Variants in FAM120B observed in about 807,000 individuals in gnomAD.
FAM120B encodes family with sequence similarity 120 member B, also known as constitutive coactivator of peroxisome proliferator-activated receptor gamma.
FAM120B carries 83 observed loss-of-function variants against 96.3 expected under a neutral mutation model. The observed-to-expected ratio is 0.86, with a 90% CI of 0.72 to 1.03. The LOEUF (loss-of-function observed/expected upper bound fraction) is 1.03, where lower values mean the gene tolerates loss of function less well. Among genes scored for constraint, FAM120B ranks in the 50% least tolerant of loss-of-function variants. FAM120B has a pLI of 0.00. For missense variants in FAM120B, 1,027 were observed against 1,121.2 expected (o/e 0.92, Z 1.20); for synonymous variants, 407 against 402.7 (o/e 1.01, Z -0.13).
rs138879894 is a variant in FAM120B at position 170,346,621 on chromosome 6, C to T, written c.2018-1530C>T. 6.2e-3 allele frequency among the ~76,000 whole-genome samples: 937 copies of T among 152,218 alleles called. 9 individuals are homozygous for T. The highest frequency in any genetic ancestry group is 0.01 in the Non-Finnish European group (697 of 68,026). On this transcript the variant is annotated intron_variant, in intron 4 of 10. Transcript: ENST00000476287. ...TGGAAGGAACCGTGGACGATACCCA[C>T]GTGTGTATACATGGTCCAGTAAAGC...
intron 6 of FAM120B, among the ~76,000 whole-genome samples, chr6:170,361,214 A>ATATATATACG (rs1788383943): frequency 1.0e-5 from 1 of 100,094 alleles, no homozygotes; most frequent in African/African-American, 3.9e-5. Context: ...ATATATATAT[A>ATATATATACG]TATATATATA....
chr6:170,296,091 G>C (rs1380703914), intron 1 of FAM120B, among the ~76,000 whole-genome samples: 1 of 152,138 alleles, frequency 6.6e-6, no homozygotes. Context: ...CCGGAGCACC[G>C]GCGGGCACGC....
chr6:170,318,363 G>T lies in FAM120B; in HGVS notation c.973G>T (p.Asp325Tyr). 6.2e-7 allele frequency: 1 copy of T among 1,614,202 alleles called. No individual in the cohort carries two copies. The highest frequency in any genetic ancestry group is 8.5e-7 in the Non-Finnish European group (1 of 1,180,040). Residue 325 changes from aspartate to tyrosine, a missense_variant, in exon 2 of 11, where the codon GAC (aspartate) becomes TAC (tyrosine). By Grantham distance (160) the Asp-to-Tyr change is radical. This residue lies in a region of FAM120B where 880 missense variants were observed against 980.9 expected (regional missense o/e 0.90). Transcript: ENST00000476287. ...FQKPKGVITL[D>Y]KQVISTSSDA... ...AAAACCCAAAGGTGTAATAACTTTG[G>T]ACAAACAAGTAATATCCACGAGTTC... is the stretch of plus-strand genomic sequence containing the variant.
upstream of FAM120B, among the ~76,000 whole-genome samples, chr6:170,292,860 C>T (rs376128585): frequency 1.3e-5 from 2 of 152,166 alleles, no homozygotes; most frequent in African/African-American, 2.4e-5. This position sits in a 1 kb window ranked among gnomAD's most constrained non-coding sequence, Gnocchi z 6.6. Flanking sequence ...CATGGAATAG[C>T]GAAGAGTTAA....
Position 170,358,272 on chromosome 6 carries a change from C to T in FAM120B, c.2237C>T (p.Ala746Val). 4 of 1,607,228 alleles carry T rather than the reference C, an allele frequency of 2.5e-6. No homozygotes were observed. The highest frequency in any genetic ancestry group is 1.1e-5 in the South Asian group (1 of 89,912). The change falls in exon 6 of 11, where the codon GCC (alanine) becomes GTC (valine). Residue 746 changes from alanine to valine, a missense_variant. Physicochemically the swap from Ala to Val is moderately conservative, Grantham distance 64 (BLOSUM62 0). This residue lies in a region of FAM120B where 880 missense variants were observed against 980.9 expected (regional missense o/e 0.90). Coordinates refer to ENST00000476287, the MANE Select transcript of FAM120B (RefSeq NM_032448.3). ...LEDLHAFIAQ[A>V]LCLQGKSTSQ... is the part of the protein sequence containing the mutation. ...GATTTGCATGCGTTTATTGCGCAGG[C>T]CTTGTGCCTCCAAGGAAAATCCACC...
At chr6:170,338,320 T>C (rs1051201636) in intron 4 of FAM120B, among the ~76,000 whole-genome samples, 2 of 152,238 alleles carry the variant, frequency 1.3e-5, no homozygotes, top group Admixed American at 1.3e-4. Flanking sequence ...GGCTGCTCGG[T>C]TTCCATGTAG....
intron 1 of FAM120B, among the ~76,000 whole-genome samples, chr6:170,300,183 G>A (rs113524539): frequency 1.3e-5 from 2 of 152,188 alleles, no homozygotes. Context: ...AGGTCAGCAT[G>A]GCTGGGGAGG....
intron 1 of FAM120B, among the ~76,000 whole-genome samples, chr6:170,296,567 G>C (rs1441311001): frequency 1.3e-5 from 2 of 151,740 alleles, no homozygotes; most frequent in African/African-American, 4.8e-5. Flanking sequence ...ACCTCACCGG[G>C]TGCAGCCGGC....
intron 6 of FAM120B, among the ~76,000 whole-genome samples, chr6:170,373,723 A>G (rs1249054474): frequency 1.3e-5 from 2 of 152,218 alleles, no homozygotes; most frequent in Non-Finnish European, 2.9e-5. Flanking sequence ...GAAAAGTAAA[A>G]GCACAAGGCA....
chr6:170,292,286 G>T (rs775860348), upstream of FAM120B, among the ~76,000 whole-genome samples: 24 of 152,212 alleles, frequency 1.6e-4, no homozygotes, highest in Non-Finnish European at 1.6e-4. This position sits in a 1 kb window ranked among gnomAD's most constrained non-coding sequence, Gnocchi z 6.6. Flanking sequence ...GAGAACACAC[G>T]TATGACACAA....
At chr6:170,306,106 G>C (rs1450220501), upstream of FAM120B, among the ~76,000 whole-genome samples, 1 of 152,144 alleles carries the variant, frequency 6.6e-6, no homozygotes, top group Non-Finnish European at 1.5e-5. Context: ...TAGCAAACCT[G>C]CCTGAAACAA....
chr6:170,293,479 T>C (rs1783930298), upstream of FAM120B, among the ~76,000 whole-genome samples: 1 of 152,114 alleles, frequency 6.6e-6, no homozygotes, highest in Non-Finnish European at 1.5e-5. Flanking sequence ...ATTTGTTAAA[T>C]TGACATGGCA....
Position 170,363,838 on chromosome 6 carries a change from C to G in FAM120B, c.2283+5520C>G, listed in dbSNP as rs1231823920. On this transcript the variant is annotated intron_variant, in intron 6 of 10. Coordinates refer to ENST00000476287, the MANE Select transcript of FAM120B (RefSeq NM_032448.3). This position sits in a 1 kb window ranked among gnomAD's most constrained non-coding sequence, Gnocchi z 4.5. The stretch of plus-strand genomic sequence containing the variant: ...AGAGTGCAGTGGCGCGAACTCAGCT[C>G]ACTGCAACCTCAGCCTCCCGAGTAG... 6.6e-6 allele frequency among the ~76,000 whole-genome samples: 1 copy of G among 152,062 alleles called. No individual in the cohort carries two copies. Among genetic ancestry groups the G allele is most frequent in the Non-Finnish European group, 1.5e-5 (1 of 67,994 alleles).
At chr6:170,299,879 T>C (rs1044312453) in intron 1 of FAM120B, among the ~76,000 whole-genome samples, 7 of 152,258 alleles carry the variant, frequency 4.6e-5, no homozygotes, top group African/African-American at 1.7e-4. Context: ...AGTCACTCCA[T>C]TTCCTGACTG....
intron 6 of FAM120B, among the ~76,000 whole-genome samples, chr6:170,367,001 T>C (rs1332597231): frequency 6.6e-6 from 1 of 152,202 alleles, no homozygotes; most frequent in Non-Finnish European, 1.5e-5. Context: ...ACTGCTTTGA[T>C]CCTTTTCTTC....
upstream of FAM120B, among the ~76,000 whole-genome samples, chr6:170,291,360 C>T (rs1230528570): frequency 1.3e-5 from 2 of 151,494 alleles, no homozygotes; most frequent in Non-Finnish European, 3.0e-5. Context: ...ACGCGGCCTC[C>T]GAAACTCCGG....
At chr6:170,400,103 A>T (rs71576523) in intron 9 of FAM120B, among the ~76,000 whole-genome samples, 1 of 141,884 alleles carries the variant, frequency 7.0e-6, no homozygotes, top group Non-Finnish European at 1.5e-5. Context: ...GGAGTGAGTG[A>T]GAAAGGTAGA....
intron 6 of FAM120B, 115 bp downstream of exon 6, chr6:170,358,433 G>A (rs1788115914): frequency 2.6e-6 from 2 of 767,318 alleles, no homozygotes; most frequent in Non-Finnish European, 4.3e-6. Flanking sequence ...ATTTTAGTCA[G>A]GATCTTTTCG....
intron 6 of FAM120B, among the ~76,000 whole-genome samples, chr6:170,385,252 C>T (rs1048289685): frequency 6.6e-6 from 1 of 152,124 alleles, no homozygotes; most frequent in African/African-American, 2.4e-5. Flanking sequence ...GCAGAAACCA[C>T]AGTGGGCATT....
Sources: allele counts gnomAD v4.1 joint callset (sites outside exome capture counted in the v4.1 genomes callset), GRCh38; gene constraint gnomAD v4.1.1; regional missense constraint gnomAD v4.1.1; non-coding constraint Gnocchi (gnomAD v3.1); transcripts MANE v1.5; gene names NCBI Gene and HGNC (gene_info 2026-07-23, HGNC 2026-07-21).